GRIA4: variants seen among roughly 807,000 people sequenced by gnomAD.
GRIA4 encodes glutamate receptor 4.
GRIA4 carries 34 observed loss-of-function variants against 104.0 expected under a neutral mutation model. The observed-to-expected ratio is 0.33, with a 90% CI of 0.25 to 0.44. GRIA4 has a LOEUF of 0.44. Among genes scored for constraint, GRIA4 ranks in the 20% least tolerant of loss-of-function variants. The pLI, the probability that GRIA4 is intolerant of heterozygous loss-of-function variation, is 1.00. For missense variants in GRIA4, 750 were observed against 1,096.5 expected, an observed-to-expected ratio of 0.68 and a Z score of 4.46; for synonymous variants, 386 against 381.9, an observed-to-expected ratio of 1.01 and a Z score of -0.13.
intron 4 of GRIA4, among the ~76,000 whole-genome samples, chr11:105,769,165 G>C (rs552109313): frequency 2.6e-5 from 4 of 152,236 alleles, no homozygotes; most frequent in African/African-American, 9.6e-5. Flanking sequence ...CTGGGCCAGT[G>C]ACTGGCATAT....
At chr11:105,874,893 A>G (rs1207331915) in intron 5 of GRIA4, among the ~76,000 whole-genome samples, 1 of 152,182 alleles carries the variant, frequency 6.6e-6, no homozygotes, top group Non-Finnish European at 1.5e-5. Flanking sequence ...TTCCTATCTG[A>G]ATACACTTCA....
At chr11:105,939,962 A>G (rs1948141989) in intron 14 of GRIA4, among the ~76,000 whole-genome samples, 1 of 152,176 alleles carries the variant, frequency 6.6e-6, no homozygotes, top group African/African-American at 2.4e-5. Flanking sequence ...CACTCTTACA[A>G]CAGGCCAAGA....
At chr11:105,759,774 T>C (rs1243918440) in intron 4 of GRIA4, among the ~76,000 whole-genome samples, 1 of 152,158 alleles carries the variant, frequency 6.6e-6, no homozygotes, top group East Asian at 1.9e-4. Context: ...CTGGAAGTCT[T>C]CTTCCACACA....
intron 4 of GRIA4, among the ~76,000 whole-genome samples, chr11:105,834,449 T>C (rs921761134): frequency 6.6e-6 from 1 of 152,078 alleles, no homozygotes; most frequent in African/African-American, 2.4e-5. Flanking sequence ...ACACATTACA[T>C]GAGTACAGCC....
At chr11:105,683,399 C>A (rs1287670130) in intron 3 of GRIA4, among the ~76,000 whole-genome samples, 2 of 151,736 alleles carry the variant, frequency 1.3e-5, no homozygotes, top group Non-Finnish European at 2.9e-5. Flanking sequence ...TTAAAAAATA[C>A]ATAATAACAG....
chr11:105,749,707 T>G (rs1362691455), intron 3 of GRIA4, among the ~76,000 whole-genome samples: 1 of 152,170 alleles, frequency 6.6e-6, no homozygotes, highest in East Asian at 1.9e-4. Context: ...AAGACATATT[T>G]AATTAGTTGA....
chr11:105,733,465 T>G (rs1050524958), intron 3 of GRIA4, among the ~76,000 whole-genome samples: 3 of 152,146 alleles, frequency 2.0e-5, no homozygotes, highest in African/African-American at 7.2e-5. Flanking sequence ...TTCTTTTCTT[T>G]TTTCTTTTTG....
At chr11:105,719,068 G>A (rs943148673) in intron 3 of GRIA4, among the ~76,000 whole-genome samples, 1 of 152,104 alleles carries the variant, frequency 6.6e-6, no homozygotes, top group Non-Finnish European at 1.5e-5. Flanking sequence ...AAAGGAAGGT[G>A]ACTGCTGACA....
At chr11:105,962,812 T>G (rs1948775060) in intron 14 of GRIA4, among the ~76,000 whole-genome samples, 1 of 152,168 alleles carries the variant, frequency 6.6e-6, no homozygotes, top group South Asian at 2.1e-4. Flanking sequence ...CCTCTTCTAT[T>G]TTTTAATGGA....
At chr11:105,819,188 A>C (rs1943489919) in intron 4 of GRIA4, among the ~76,000 whole-genome samples, 1 of 152,140 alleles carries the variant, frequency 6.6e-6, no homozygotes, top group African/African-American at 2.4e-5. Flanking sequence ...TTACTTATTT[A>C]TGTGCATGCT....
chr11:105,939,846 C>A (rs1948139247), intron 14 of GRIA4, among the ~76,000 whole-genome samples: 1 of 152,116 alleles, frequency 6.6e-6, no homozygotes, highest in Non-Finnish European at 1.5e-5. Context: ...GATTGACGTT[C>A]CTAAAGGAAA....
At chr11:105,787,495 A>C (rs1466048204) in intron 4 of GRIA4, among the ~76,000 whole-genome samples, 1 of 22,012 alleles carries the variant, frequency 4.5e-5, no homozygotes, top group African/African-American at 1.7e-4. Context: ...TTTTTTTTTG[A>C]GATGGAGTCT....
chr11:105,710,645 A>G (rs1953878257), intron 3 of GRIA4, among the ~76,000 whole-genome samples: 1 of 152,168 alleles, frequency 6.6e-6, no homozygotes, highest in Non-Finnish European at 1.5e-5. Context: ...TGGACAAGCT[A>G]GTTGTGGGTT....
chr11:105,952,746 A>C (rs1948485517), intron 14 of GRIA4, among the ~76,000 whole-genome samples: 2 of 152,278 alleles, frequency 1.3e-5, no homozygotes, highest in East Asian at 3.9e-4. Context: ...CTAAAACCCA[A>C]ACCAAAGACA....
At chr11:105,909,930 C>T (rs915447355) in intron 9 of GRIA4, among the ~76,000 whole-genome samples, 17 of 152,126 alleles carry the variant, frequency 1.1e-4, no homozygotes, top group African/African-American at 3.9e-4. Flanking sequence ...AGATTGTTAC[C>T]TAGTGGCTAG....
At chr11:105,813,689 A>C (rs890742537) in intron 4 of GRIA4, among the ~76,000 whole-genome samples, 1 of 151,854 alleles carries the variant, frequency 6.6e-6, no homozygotes, top group Admixed American at 6.6e-5. Context: ...AACCCATCTA[A>C]CCCCTCATTT....
chr11:105,671,593 G>T (rs187706262), intron 3 of GRIA4, among the ~76,000 whole-genome samples: 2 of 131,018 alleles, frequency 1.5e-5, no homozygotes, highest in African/African-American at 5.7e-5. Context: ...CAGGAGAATC[G>T]CTTGAATCCA....
intron 4 of GRIA4, among the ~76,000 whole-genome samples, chr11:105,818,347 CG>C (rs1296113405): frequency 1.3e-5 from 2 of 152,092 alleles, no homozygotes; most frequent in Admixed American, 6.6e-5. Flanking sequence ...CTCACTGATA[CG>C]TTTGTTTTTA....
At chr11:105,724,973 A>G (rs903046024) in intron 3 of GRIA4, among the ~76,000 whole-genome samples, 4 of 152,118 alleles carry the variant, frequency 2.6e-5, no homozygotes, top group African/African-American at 9.7e-5. Flanking sequence ...TTAGAAATCA[A>G]TGTTTGCATT....
Sources: gnomAD v4.1 joint callset for allele counts (sites outside exome capture counted in the v4.1 genomes callset) on GRCh38, gnomAD v4.1.1 for gene constraint, MANE v1.5 for transcripts, NCBI Gene and HGNC (gene_info 2026-07-23, HGNC 2026-07-21) for gene names.